PDE7A: variants seen among roughly 807,000 people sequenced by gnomAD.
PDE7A encodes high affinity 3',5'-cyclic-AMP phosphodiesterase 7A.
Under a neutral mutation model 64.3 loss-of-function variants are expected in PDE7A, and 39 were observed. The ratio of observed to expected loss-of-function variants is 0.61; its 90% CI spans 0.47 to 0.79. The LOEUF is 0.79. Among genes scored for constraint, PDE7A ranks in the 30% least tolerant of loss-of-function variants. The probability of loss-of-function intolerance (pLI) is 0.00; values close to 1 mark genes in which losing one functional copy is unlikely to be tolerated. For missense variants in PDE7A, 470 were observed against 582.8 expected (o/e 0.81, Z 1.99); for synonymous variants, 203 against 206.8 (o/e 0.98, Z 0.16).
At chr8:65,831,650 AC>A (rs931046763) in intron 1 of PDE7A, among the ~76,000 whole-genome samples, 1 of 151,456 alleles carries the variant, frequency 6.6e-6, no homozygotes, top group African/African-American at 2.4e-5. Context: ...TATATGACTT[AC>A]CAAAAAAAAA....
chr8:65,733,297 G>A (rs1398784021), intron 7 of PDE7A, among the ~76,000 whole-genome samples: 1 of 152,168 alleles, frequency 6.6e-6, no homozygotes, highest in Non-Finnish European at 1.5e-5. Context: ...GAGGGAGATG[G>A]GAGTGCAGAA....
At chr8:65,746,048 A>G (rs992612429) in intron 4 of PDE7A, among the ~76,000 whole-genome samples, 26 of 151,860 alleles carry the variant, frequency 1.7e-4, no homozygotes, top group Middle Eastern at 3.2e-3. Context: ...CTCCTGTCTC[A>G]GCCTCCCGAG....
At chr8:65,753,163 T>G (rs1178760386) in intron 3 of PDE7A, among the ~76,000 whole-genome samples, 2 of 152,226 alleles carry the variant, frequency 1.3e-5, no homozygotes, top group Non-Finnish European at 2.9e-5. Context: ...TAAATTCTGC[T>G]GCTGTCTTCC....
At chr8:65,748,193 C>G (rs1585865177) in intron 3 of PDE7A, among the ~76,000 whole-genome samples, 1 of 151,858 alleles carries the variant, frequency 6.6e-6, no homozygotes, top group East Asian at 1.9e-4. Context: ...AACCTAGTTT[C>G]AAACTACTAG....
In PDE7A at chr8:65,841,530, CGCGCGGCGCCCGCCCTGCCGCG is replaced by C. The variant is rs1323838517; in HGVS notation, c.-44_-23del. On this transcript the variant is annotated 5_prime_UTR_variant, in exon 1 of 13. Transcript: ENST00000401827. The stretch of plus-strand genomic sequence containing the variant: ...CCATTGAATACGCCCGCCCTGCCTC[CGCGCGGCGCCCGCCCTGCCGCG>C]GCCGCCGGCCCCTGCAGTGGGAGGG... The C allele has an allele frequency of 5.9e-5, 85 of 1,438,244 alleles. No homozygotes were observed. Among genetic ancestry groups the C allele is most frequent in the Non-Finnish European group, 7.7e-5 (84 of 1,097,972 alleles). The allele number at this position is 1,438,244 out of a possible 1,614,324, so 89.1% of individuals were successfully genotyped here. A position where few individuals can be genotyped will look rare whatever the true frequency, so the allele number is the denominator to read the frequency against.
At chr8:65,770,472 G>A (rs1809031124) in intron 3 of PDE7A, among the ~76,000 whole-genome samples, 1 of 152,202 alleles carries the variant, frequency 6.6e-6, no homozygotes, top group African/African-American at 2.4e-5. Flanking sequence ...GAACAGTATG[G>A]GGGAGAACTG....
intron 1 of PDE7A, among the ~76,000 whole-genome samples, chr8:65,835,515 A>C (rs1810929373): frequency 6.6e-6 from 1 of 152,186 alleles, no homozygotes; most frequent in African/African-American, 2.4e-5. Context: ...CCCTTTCTTC[A>C]GCTCTTCTTT....
At chr8:65,723,353 T>C (rs1305475624) in intron 12 of PDE7A, 188 bp downstream of exon 12, 4 of 455,406 alleles carry the variant, frequency 8.8e-6, no homozygotes, top group Non-Finnish European at 1.4e-5. Context: ...AAATATACTT[T>C]TTACATCCTA....
chr8:65,749,424 G>C (rs1585867109), intron 3 of PDE7A, among the ~76,000 whole-genome samples: 4 of 152,206 alleles, frequency 2.6e-5, no homozygotes, highest in Admixed American at 2.6e-4. Context: ...TCATTCCAGT[G>C]AGTAAAATGC....
At chr8:65,787,733 A>G (rs1233573821) in intron 1 of PDE7A, among the ~76,000 whole-genome samples, 6 of 151,978 alleles carry the variant, frequency 3.9e-5, no homozygotes, top group Non-Finnish European at 7.4e-5. Context: ...GCTTGAGCCC[A>G]GGAGTTTGAG....
At chr8:65,793,650 TG>T (rs1366066222) in intron 1 of PDE7A, among the ~76,000 whole-genome samples, 3 of 152,154 alleles carry the variant, frequency 2.0e-5, no homozygotes, top group African/African-American at 7.2e-5. Flanking sequence ...CCACTGCAGA[TG>T]ATGCATGATT....
At chr8:65,822,151 A>G (rs1810556596) in intron 1 of PDE7A, among the ~76,000 whole-genome samples, 1 of 152,216 alleles carries the variant, frequency 6.6e-6, no homozygotes, top group Non-Finnish European at 1.5e-5. Flanking sequence ...TTAAAGAAAG[A>G]AGTCCCCAGG....
intron 6 of PDE7A, among the ~76,000 whole-genome samples, chr8:65,737,665 C>T (rs958745082): frequency 2.6e-5 from 4 of 152,044 alleles, no homozygotes; most frequent in Admixed American, 2.0e-4. Flanking sequence ...ATTACAGGCA[C>T]ATGCCTCCAC....
chr8:65,747,819 T>C lies in PDE7A; in HGVS notation c.284-16A>G. The C allele has an allele frequency of 6.3e-7, 1 of 1,583,290 alleles. No individual in the cohort carries two copies. Among genetic ancestry groups the C allele is most frequent in the Non-Finnish European group, 8.6e-7 (1 of 1,158,418 alleles). ...TCAGATTGAGCTGAAATAAAAAGAATAAAAGGTAAGTATAGCAAGTTAAAA... is the reference window on the plus strand; with the variant it reads ...TCAGATTGAGCTGAAATAAAAAGAACAAAAGGTAAGTATAGCAAGTTAAAA... On this transcript the variant is annotated splice_polypyrimidine_tract_variant and intron_variant, in intron 3 of 12. Transcript: ENST00000401827.
chr8:65,816,268 T>C (rs960250487), intron 1 of PDE7A, among the ~76,000 whole-genome samples: 5 of 152,206 alleles, frequency 3.3e-5, no homozygotes, highest in African/African-American at 1.2e-4. Flanking sequence ...GTCTATTCTA[T>C]GAATCAAAAG....
Position 65,724,817 on chromosome 8 carries a change from A to G in PDE7A, c.1025T>C (p.Leu342Ser). The G allele has an allele frequency of 6.2e-7, 1 of 1,612,082 alleles. No individual in the cohort carries two copies. Among genetic ancestry groups the G allele is most frequent in the Non-Finnish European group, 8.5e-7 (1 of 1,178,730 alleles). The change falls in exon 10 of 13, where the codon TTA (leucine) becomes TCA (serine). Residue 342 changes from leucine (L) to serine (S), a missense_variant. Leu to Ser is a moderately radical substitution (Grantham distance 145). Transcript: ENST00000401827. ...TCTGTGTCTGGTGTCTTCTAGGCAT[A>G]AATCACCTCTATCCAAATGGGACCT... ...LFRSHLDRGD[L>S]CLEDTRHRHL...
At chr8:65,815,458 AG>A (rs1810377201) in intron 1 of PDE7A, among the ~76,000 whole-genome samples, 1 of 152,370 alleles carries the variant, frequency 6.6e-6, no homozygotes, top group East Asian at 1.9e-4. Context: ...TTGAGATTTA[AG>A]AACTAGGCAA....
intron 1 of PDE7A, among the ~76,000 whole-genome samples, chr8:65,826,862 C>T (rs1451107904): frequency 6.6e-6 from 1 of 152,000 alleles, no homozygotes; most frequent in Non-Finnish European, 1.5e-5. Context: ...TCGTCCTTGC[C>T]CCTTTCTAGT....
chr8:65,719,461 T>A lies in PDE7A; in HGVS notation c.1278A>T (p.Thr426=). ...FMTYLVEPLF[T]EWARFSNTRL... ...TTGTATTGGAAAACCTGGCCCATTC[T>A]GTAAATAAAGGCTCCACTAGGTAAG... is the stretch of plus-strand genomic sequence containing the variant. Residue 426 remains threonine, a synonymous_variant, in exon 13 of 13, where the codon ACA becomes ACT. Transcript: ENST00000401827. The A allele has an allele frequency of 1.2e-6, 2 of 1,614,032 alleles. No homozygotes were observed. The highest frequency in any genetic ancestry group is 1.7e-6 in the Non-Finnish European group (2 of 1,179,870).
Sources: allele counts gnomAD v4.1 joint callset (sites outside exome capture counted in the v4.1 genomes callset), GRCh38; gene constraint gnomAD v4.1.1; transcripts MANE v1.5; gene names NCBI Gene and HGNC (gene_info 2026-07-23, HGNC 2026-07-21).